HSPG2: variants seen among roughly 807,000 people sequenced by gnomAD.
HSPG2 encodes heparan sulfate proteoglycan 2, also known as basement membrane-specific heparan sulfate proteoglycan core protein.
A neutral mutation model predicts 526.6 loss-of-function variants in HSPG2; 278 were observed. The ratio of observed to expected loss-of-function variants is 0.53; its 90% CI spans 0.48 to 0.58. The LOEUF (loss-of-function observed/expected upper bound fraction) is 0.58, where lower values mean the gene tolerates loss of function less well. Ranked by LOEUF, HSPG2 falls within the 20% of genes least tolerant of loss-of-function variation. The pLI, the probability that HSPG2 is intolerant of heterozygous loss-of-function variation, is 0.00. For synonymous variants in HSPG2, 2,465 were observed against 2,555.4 expected (o/e 0.96, Z 1.07); for missense variants, 5,354 against 6,099.5 (o/e 0.88, Z 4.07).
rs1490945033 is a variant in HSPG2, at chr1:21,838,834, G to A, written c.10141C>T (p.Leu3381Phe). 2 of 1,612,250 alleles carry A rather than the reference G, an allele frequency of 1.2e-6. No homozygotes were observed. The highest frequency in any genetic ancestry group is 1.7e-5 in the Admixed American group (1 of 59,828). Reference protein sequence around the residue: ...VGSAEAFAQLLVQGPPGSLPA... With the variant: ...VGSAEAFAQLFVQGPPGSLPA... ...AGCCGGGGCTGCTTACCTTGGACGA[G>A]CAGCTGGGCAAAGGCCTCGGCTGAG... Residue 3381 changes from leucine to phenylalanine, a missense_variant, in exon 74 of 97, where the codon CTC (leucine) becomes TTC (phenylalanine). Physicochemically the swap from Leu to Phe is conservative, Grantham distance 22. Coordinates refer to ENST00000374695, the MANE Select transcript of HSPG2 (RefSeq NM_005529.7).
chr1:21,858,425 A>G lies in HSPG2; in HGVS notation c.5294-1040T>C, dbSNP rs902382439. 6.6e-6 allele frequency among the ~76,000 whole-genome samples: 1 copy of G among 152,040 alleles called. No individual in the cohort carries two copies. Among genetic ancestry groups the G allele is most frequent in the Non-Finnish European group, 1.5e-5 (1 of 68,008 alleles). ...TGGGCTGGGGCCCTGTCCTCGGGCCACACTCTCCCTAGGTGACTTCATCCT... is the reference window on the plus strand; with the variant it reads ...TGGGCTGGGGCCCTGTCCTCGGGCCGCACTCTCCCTAGGTGACTTCATCCT... On this transcript the variant is annotated intron_variant, in intron 42 of 96. Coordinates refer to ENST00000374695, the MANE Select transcript of HSPG2 (RefSeq NM_005529.7). This position sits in a 1 kb window ranked among gnomAD's most constrained non-coding sequence, Gnocchi z 4.2.
In HSPG2 at chr1:21,890,273, T is replaced by C. The variant is rs1259280322; in HGVS notation, c.414-132A>G. On this transcript the variant is annotated intron_variant, in intron 5 of 96. Transcript: ENST00000374695. This position sits in a 1 kb window ranked among gnomAD's most constrained non-coding sequence, Gnocchi z 4.1. Reference sequence around the variant, plus strand: ...GTACCCAAAGAAGGGCAACTAAAGGTCCCAATGATCCCCCGACCAATTCCT... The same window carrying C: ...GTACCCAAAGAAGGGCAACTAAAGGCCCCAATGATCCCCCGACCAATTCCT... 1.6e-6 allele frequency: 2 copies of C among 1,280,804 alleles called. No individual in the cohort carries two copies. The highest frequency in any genetic ancestry group is 2.3e-6 in the Non-Finnish European group (2 of 885,896). The allele number at this position is 1,280,804 out of a possible 1,614,324, so 79.3% of individuals were successfully genotyped here.
chr1:21,852,948 G>C lies in HSPG2; in HGVS notation c.6562C>G (p.Arg2188Gly), dbSNP rs769577763. 1.9e-6 allele frequency: 3 copies of C among 1,613,392 alleles called. No homozygotes were observed. The highest frequency in any genetic ancestry group is 2.5e-6 in the Non-Finnish European group (3 of 1,179,874). Residue 2188 changes from arginine (R) to glycine (G), a missense_variant, in exon 51 of 97, where the codon CGT becomes GGT. Arg to Gly is a moderately radical substitution (Grantham distance 125). Coordinates refer to ENST00000374695, the MANE Select transcript of HSPG2 (RefSeq NM_005529.7). ...TGCCGGGCAGGGAGGCTGCCCCCAC[G>C]CTTGTGCCACGTGACCTGGGCGTGG... The part of the protein sequence containing the change: ...QAHAQVTWHK[R>G]GGSLPARHQT...
At position 21,898,876 on chromosome 1, in the gene HSPG2, T is replaced by C. The variant is rs961823820; in HGVS notation, c.64-2566A>G. Among the ~76,000 whole-genome samples, 1 of 152,196 alleles carries C rather than the reference T, an allele frequency of 6.6e-6. No individual in the cohort carries two copies. Among genetic ancestry groups the C allele is most frequent in the African/African-American group, 2.4e-5 (1 of 41,460 alleles). On this transcript the variant is annotated intron_variant, in intron 1 of 96. Transcript: ENST00000374695. This position sits in a 1 kb window ranked among gnomAD's most constrained non-coding sequence, Gnocchi z 4.0. The stretch of plus-strand genomic sequence containing the variant: ...ACACTGCCGTCTGGAAAGGAAAACC[T>C]AGCGGTGAATGATGAGCAAGGTCCA...
rs554681098 is a variant in HSPG2 at position 21,878,566 on chromosome 1, C to G, written c.2558+11G>C. 1.2e-6 allele frequency: 2 copies of G among 1,614,128 alleles called. No homozygotes were observed. Among genetic ancestry groups the G allele is most frequent in the Admixed American group, 3.3e-5 (2 of 60,032 alleles). ...AGCCCCCTTCCTGCAGCCCCCAAGGCTCTCCCTCACCTCTCACAGCGGCGG... is the reference window on the plus strand; with the variant it reads ...AGCCCCCTTCCTGCAGCCCCCAAGGGTCTCCCTCACCTCTCACAGCGGCGG... On this transcript the variant is annotated intron_variant, in intron 19 of 96. Transcript: ENST00000374695.
intron 3 of HSPG2, among the ~76,000 whole-genome samples, chr1:21,894,754 G>C (rs1477532042): frequency 6.6e-6 from 1 of 152,192 alleles, no homozygotes; most frequent in East Asian, 1.9e-4. Flanking sequence ...GCCTGGCTTG[G>C]CCAGAGGCAG....
chr1:21,919,673 G>A (rs1643979015), intron 1 of HSPG2, among the ~76,000 whole-genome samples: 1 of 148,086 alleles, frequency 6.8e-6, no homozygotes, highest in African/African-American at 2.7e-5. Context: ...ACGAGCACAT[G>A]AGTCACTTGG....
chr1:21,894,579 C>G (rs1642610832), intron 3 of HSPG2, among the ~76,000 whole-genome samples: 1 of 152,310 alleles, frequency 6.6e-6, no homozygotes, highest in Middle Eastern at 3.4e-3. Context: ...GTGCCCTGTT[C>G]CCCACCTCTT....
At chr1:21,935,276 G>C (rs2152808096) in intron 1 of HSPG2, among the ~76,000 whole-genome samples, 1 of 152,338 alleles carries the variant, frequency 6.6e-6, no homozygotes. Flanking sequence ...ACCACCAGCA[G>C]CCTGGGGTGG....
chr1:21,883,779 G>A (rs895537819), intron 13 of HSPG2, among the ~76,000 whole-genome samples: 2 of 152,208 alleles, frequency 1.3e-5, no homozygotes, highest in South Asian at 2.1e-4. Context: ...TTGATGCCAC[G>A]TGGAAAACGA....
At chr1:21,856,684 TG>T (rs1293932529) in intron 44 of HSPG2, among the ~76,000 whole-genome samples, 1 of 152,200 alleles carries the variant, frequency 6.6e-6, no homozygotes, top group Non-Finnish European at 1.5e-5. Context: ...CCCAAAGTGC[TG>T]GGCTTACAGG....
chr1:21,860,729 C>T (rs921975740), intron 39 of HSPG2, among the ~76,000 whole-genome samples: 5 of 152,148 alleles, frequency 3.3e-5, no homozygotes, highest in African/African-American at 1.2e-4. Context: ...TCATGATCCG[C>T]CCACCTCAGC....
intron 1 of HSPG2, among the ~76,000 whole-genome samples, chr1:21,919,196 C>G (rs186265953): frequency 3.9e-5 from 6 of 152,338 alleles, no homozygotes; most frequent in Admixed American, 3.9e-4. Flanking sequence ...GCAACCAAGG[C>G]TGGCGGATCA....
At chr1:21,937,116 T>TCCGCCC (rs1644509861) in intron 1 of HSPG2, 39 bp downstream of exon 1, 1 of 36,168 alleles carries the variant, frequency 2.8e-5, no homozygotes. Flanking sequence ...CCCTAGCCCC[T>TCCGCCC]CCGCCCCCGC....
At chr1:21,916,052 A>G (rs1643878937) in intron 1 of HSPG2, among the ~76,000 whole-genome samples, 1 of 137,140 alleles carries the variant, frequency 7.3e-6, no homozygotes, top group South Asian at 2.5e-4. Flanking sequence ...CTCCATCTCA[A>G]AAAAGAAAAG....
At position 21,823,724 on chromosome 1, in the gene HSPG2, A is replaced by G; in HGVS notation, c.12900-5T>C. The G allele has an allele frequency of 1.2e-6, 2 of 1,611,876 alleles. No individual in the cohort carries two copies. The highest frequency in any genetic ancestry group is 1.1e-5 in the South Asian group (1 of 91,054). Reference sequence around the variant, plus strand: ...ATGGAACCTCTGCGGCCCTCCCTGCAGTGGAACTGGGTCAGGCCCCTTTCC... The same window carrying G: ...ATGGAACCTCTGCGGCCCTCCCTGCGGTGGAACTGGGTCAGGCCCCTTTCC... On this transcript the variant is annotated splice_polypyrimidine_tract_variant and splice_region_variant and intron_variant, in intron 95 of 96. Transcript: ENST00000374695.
intron 87 of HSPG2, 148 bp downstream of exon 87, chr1:21,829,235 C>T (rs1268840208): frequency 2.2e-6 from 3 of 1,357,818 alleles, no homozygotes; most frequent in Non-Finnish European, 3.1e-6. Flanking sequence ...AGGGATTGGC[C>T]TCAAGTGACA....
rs745913960 is a variant in HSPG2 at position 21,878,975 on chromosome 1, A to G, written c.2471+19T>C. 24 of 1,610,784 alleles carry G rather than the reference A, an allele frequency of 1.5e-5. No homozygotes were observed. In the East Asian group the frequency reaches 4.9e-4, roughly 33 times the overall value. On this transcript the variant is annotated intron_variant, in intron 18 of 96. Coordinates refer to ENST00000374695, the MANE Select transcript of HSPG2 (RefSeq NM_005529.7). Reference sequence around the variant, plus strand: ...ACTGTCCCCAGCCAAACCCCCCCTGACCCGGAGCTGGGGCTGACCTGCGGG... The same window carrying G: ...ACTGTCCCCAGCCAAACCCCCCCTGGCCCGGAGCTGGGGCTGACCTGCGGG...
At chr1:21,933,879 G>A (rs949495214) in intron 1 of HSPG2, among the ~76,000 whole-genome samples, 18 of 152,238 alleles carry the variant, frequency 1.2e-4, no homozygotes, top group African/African-American at 4.1e-4. Context: ...CTGAGGGACC[G>A]CCAGGAAGGG....
Sources: allele counts gnomAD v4.1 joint callset (sites outside exome capture counted in the v4.1 genomes callset), GRCh38; gene constraint gnomAD v4.1.1; non-coding constraint Gnocchi (gnomAD v3.1); transcripts MANE v1.5; gene names NCBI Gene and HGNC (gene_info 2026-07-23, HGNC 2026-07-21).